ABCD3: variants seen among roughly 807,000 people sequenced by gnomAD.
ABCD3 encodes the protein ATP binding cassette subfamily D member 3.
In ABCD3, 41 loss-of-function variants were observed where a neutral mutation model predicts 105.5. The ratio of observed to expected loss-of-function variants is 0.39; its 90% confidence interval spans 0.30 to 0.50. The LOEUF is 0.50. Among genes scored for constraint, ABCD3 ranks in the 20% least tolerant of loss-of-function variants. The pLI, the probability that ABCD3 is intolerant of heterozygous loss-of-function variation, is 0.84. For missense variants in ABCD3, 622 were observed against 806.3 expected (o/e 0.77, Z 2.77); for synonymous variants, 258 against 269.0 (o/e 0.96, Z 0.40).
chr1:94,434,219 T>A (rs1256219086), intron 1 of ABCD3, among the ~76,000 whole-genome samples: 3 of 152,226 alleles, frequency 2.0e-5, no homozygotes, highest in Admixed American at 1.3e-4. Flanking sequence ...GTCTTCCACT[T>A]CTATATCTTG....
At chr1:94,453,610 G>A (rs180769584) in intron 1 of ABCD3, among the ~76,000 whole-genome samples, 1 of 151,674 alleles carries the variant, frequency 6.6e-6, no homozygotes, top group Non-Finnish European at 1.5e-5. Context: ...GAGCCACCGC[G>A]CCCAGCCGGA....
chr1:94,513,208 T>C (rs1650767364), intron 21 of ABCD3, among the ~76,000 whole-genome samples: 1 of 152,082 alleles, frequency 6.6e-6, no homozygotes, highest in Admixed American at 6.6e-5. Context: ...TTTGTTCATG[T>C]TGGTTTTCAA....
At chr1:94,471,649 C>G (rs1185606204) in intron 4 of ABCD3, among the ~76,000 whole-genome samples, 1 of 152,004 alleles carries the variant, frequency 6.6e-6, no homozygotes, top group Non-Finnish European at 1.5e-5. Context: ...ATATTTGGAC[C>G]TTATCTCAAA....
intron 16 of ABCD3, among the ~76,000 whole-genome samples, chr1:94,496,060 C>T (rs1290894573): frequency 1.3e-5 from 2 of 152,156 alleles, no homozygotes; most frequent in South Asian, 2.1e-4. Context: ...TAGGCTGCTT[C>T]ATTCTTTTTT....
chr1:94,499,835 T>C (rs925038317), intron 20 of ABCD3, among the ~76,000 whole-genome samples: 3 of 152,212 alleles, frequency 2.0e-5, no homozygotes, highest in Admixed American at 6.5e-5. Context: ...AAGGAAAAGC[T>C]GCAGATCCGA....
intron 3 of ABCD3, among the ~76,000 whole-genome samples, chr1:94,466,912 T>C (rs1194428233): frequency 1.3e-5 from 2 of 152,168 alleles, no homozygotes; most frequent in African/African-American, 4.8e-5. Flanking sequence ...TACTTTAACT[T>C]CTATGTCACT....
At chr1:94,466,056 AT>A (rs919980205) in intron 3 of ABCD3, among the ~76,000 whole-genome samples, 6 of 152,078 alleles carry the variant, frequency 3.9e-5, no homozygotes, top group African/African-American at 1.5e-4. Flanking sequence ...CCCTTGAGAA[AT>A]TCTTTTTTTA....
chr1:94,509,952 A>G (rs975629521), intron 21 of ABCD3, among the ~76,000 whole-genome samples: 1 of 152,080 alleles, frequency 6.6e-6, no homozygotes, highest in African/African-American at 2.4e-5. Flanking sequence ...TCCTGGATTC[A>G]TTAATTTTTT....
intron 16 of ABCD3, among the ~76,000 whole-genome samples, chr1:94,496,776 T>A (rs1488615777): frequency 6.7e-6 from 1 of 150,220 alleles, no homozygotes; most frequent in Non-Finnish European, 1.5e-5. Flanking sequence ...CAAATTTTTT[T>A]TTTTTTTTTG....
intron 1 of ABCD3, among the ~76,000 whole-genome samples, chr1:94,452,287 G>A (rs1647294735): frequency 6.6e-6 from 1 of 152,218 alleles, no homozygotes; most frequent in Non-Finnish European, 1.5e-5. Context: ...GTTGATTGAT[G>A]AAGAGTCCTT....
chr1:94,395,825 G>T, the ABCD3 span, among the ~76,000 whole-genome samples: 1 of 151,928 alleles, frequency 6.6e-6, no homozygotes, highest in Non-Finnish European at 1.5e-5. Context: ...GTGTGTGTGT[G>T]TGTGCACGCG....
At chr1:94,478,141 C>T in intron 7 of ABCD3, 118 bp from the exon 8 acceptor site, 1 of 683,610 alleles carries the variant, frequency 1.5e-6, no homozygotes, top group Non-Finnish European at 2.6e-6. Context: ...AGTGGGACCT[C>T]TACATGTTGA....
At chr1:94,511,420 TAA>T (rs1164721844) in intron 21 of ABCD3, among the ~76,000 whole-genome samples, 1 of 152,148 alleles carries the variant, frequency 6.6e-6, no homozygotes, top group East Asian at 1.9e-4. Context: ...TGGCTGCCCT[TAA>T]TATTTTTTCC....
intron 13 of ABCD3, among the ~76,000 whole-genome samples, chr1:94,488,482 A>G (rs969266920): frequency 6.6e-6 from 1 of 152,122 alleles, no homozygotes; most frequent in Admixed American, 6.6e-5. Flanking sequence ...ATCTTTAGAC[A>G]GTAGAATGAA....
chr1:94,489,896 A>T lies in ABCD3; in HGVS notation c.1250-7A>T, dbSNP rs776985919. ...TATGATGCTTTAATACCTATTTTCC[A>T]TTTAAGGTATTGAAGGAGTACAAGT... On this transcript the variant is annotated splice_region_variant and splice_polypyrimidine_tract_variant and intron_variant, in intron 14 of 22. Coordinates refer to ENST00000370214, the MANE Select transcript of ABCD3 (RefSeq NM_002858.4). 22 of 1,612,910 alleles carry T rather than the reference A, an allele frequency of 1.4e-5. No homozygotes were observed. Among genetic ancestry groups the T allele is most frequent in the South Asian group, 2.2e-5 (2 of 91,062 alleles).
chr1:94,513,593 C>G (rs1226329948), intron 21 of ABCD3: 1 of 151,986 alleles, frequency 6.6e-6, no homozygotes, highest in African/African-American at 2.4e-5. Flanking sequence ...AAATTTACAA[C>G]ATTAAAGAGA....
At chr1:94,506,848 G>A (rs1650379321) in intron 21 of ABCD3, among the ~76,000 whole-genome samples, 1 of 151,110 alleles carries the variant, frequency 6.6e-6, no homozygotes, top group Non-Finnish European at 1.5e-5. Context: ...TTTATATATG[G>A]GAAATAGATT....
At chr1:94,458,579 GCTCT>G (rs762609845) in intron 1 of ABCD3, 24 bp from the exon 2 acceptor site, 42 of 1,595,560 alleles carry the variant, frequency 2.6e-5, no homozygotes, top group African/African-American at 2.5e-4. Context: ...ATAAAGTAAA[GCTCT>G]CTCTCTCTTT....
chr1:94,504,204 C>T (rs1557690702), intron 20 of ABCD3, among the ~76,000 whole-genome samples: 1 of 151,778 alleles, frequency 6.6e-6, no homozygotes. Context: ...AGCTGCTGCG[C>T]CCGGCCAGGT....
Sources: allele counts gnomAD v4.1 joint callset (sites outside exome capture counted in the v4.1 genomes callset), GRCh38; gene constraint gnomAD v4.1.1; transcripts MANE v1.5; gene names NCBI Gene and HGNC (gene_info 2026-07-23, HGNC 2026-07-21).